ADARB2: variants seen among roughly 807,000 people sequenced by gnomAD.
ADARB2 encodes inactive double-stranded RNA-specific editase B2.
ADARB2 carries 25 observed loss-of-function variants against 62.2 expected under a neutral mutation model. That is an observed-to-expected ratio of 0.40 (90% CI 0.29 to 0.56). The LOEUF (loss-of-function observed/expected upper bound fraction) is 0.56. Among genes scored for constraint, ADARB2 ranks in the 20% least tolerant of loss-of-function variants. The pLI is 0.43. For synonymous variants in ADARB2, 572 were observed against 500.8 expected (o/e 1.14, Z -1.90); for missense variants, 1,071 against 1,077.4 (o/e 0.99, Z 0.08).
Position 1,573,492 on chromosome 10 carries a change from C to T in ADARB2, c.100+163559G>A, listed in dbSNP as rs79860635. Among the ~76,000 whole-genome samples the T allele has an allele frequency of 4.6e-3, 694 of 152,270 alleles. 9 individuals carry two copies. The highest frequency in any genetic ancestry group is 0.02 in the Admixed American group (303 of 15,302). On this transcript the variant is annotated intron_variant, in intron 1 of 9. Transcript: ENST00000381312. ...AGGTGCCATCAGCAGAGAGCCAGGC[C>T]GGTGCCTCCAACACCCCACCCTCAC... is the stretch of plus-strand genomic sequence containing the variant.
chr10:1,372,618 AG>A (rs1159248915), intron 2 of ADARB2, among the ~76,000 whole-genome samples: 5 of 152,200 alleles, frequency 3.3e-5, no homozygotes, highest in Non-Finnish European at 7.3e-5. Flanking sequence ...GGGTGGTGCC[AG>A]GGATTTGGGA....
intron 1 of ADARB2, among the ~76,000 whole-genome samples, chr10:1,624,550 C>A (rs550737165): frequency 6.6e-6 from 1 of 152,280 alleles, no homozygotes; most frequent in African/African-American, 2.4e-5. Context: ...TCTGTGAAGT[C>A]TATAATCACA....
intron 5 of ADARB2, among the ~76,000 whole-genome samples, chr10:1,240,980 C>T (rs1830915010): frequency 6.6e-6 from 1 of 152,166 alleles, no homozygotes; most frequent in Non-Finnish European, 1.5e-5. Context: ...TAAGAATGAG[C>T]TGAGTGTGGG....
At chr10:1,645,406 C>T (rs1834027163) in intron 1 of ADARB2, among the ~76,000 whole-genome samples, 1 of 152,234 alleles carries the variant, frequency 6.6e-6, no homozygotes, top group Non-Finnish European at 1.5e-5. Flanking sequence ...AGCTATGGAA[C>T]TCCCACTGCC....
rs192303384 is a variant in ADARB2, at chr10:1,428,136, A to G, written c.101-48976T>C. Among the ~76,000 whole-genome samples, 1,119 of 151,076 alleles carry G rather than the reference A, an allele frequency of 7.4e-3. 16 individuals carry two copies. Among genetic ancestry groups the G allele is most frequent in the African/African-American group, 0.025 (1,029 of 41,106 alleles). On this transcript the variant is annotated intron_variant, in intron 1 of 9. Transcript: ENST00000381312. ...CAGGCATGCACCACCACACCCGACT[A>G]ATTTTTTTGTATTTTTAGTAGATAT...
In ADARB2 at chr10:1,216,992, C is replaced by A. The variant is rs765177523; in HGVS notation, c.1641G>T (p.Gly547=). The A allele has an allele frequency of 6.2e-7, 1 of 1,609,842 alleles. No homozygotes were observed. The highest frequency in any genetic ancestry group is 8.5e-7 in the Non-Finnish European group (1 of 1,179,760). The change falls in exon 7 of 10, where the codon GGG becomes GGT. Residue 547 remains glycine (G), a synonymous_variant. Coordinates refer to ENST00000381312, the MANE Select transcript of ADARB2 (RefSeq NM_018702.4). ...AVQTWDGVLL[G]EQLITMSCTD... ...TGCAGGACATGGTGATCAGCTGCTCCCCCAGCAGGACGCCGTCCCAGGTCT... is the reference window on the plus strand; with the variant it reads ...TGCAGGACATGGTGATCAGCTGCTCACCCAGCAGGACGCCGTCCCAGGTCT...
intron 1 of ADARB2, chr10:1,394,787 G>T: frequency 2.2e-6 from 1 of 455,156 alleles, no homozygotes. Flanking sequence ...AGACCTGGTA[G>T]GAGCGTCTAA....
At chr10:1,228,223 C>G (rs1421876271) in intron 6 of ADARB2, among the ~76,000 whole-genome samples, 4 of 152,164 alleles carry the variant, frequency 2.6e-5, no homozygotes, top group African/African-American at 9.7e-5. Context: ...TTGGCATTTT[C>G]TGGACACAGA....
At chr10:1,420,097 A>G (rs1832839502) in intron 1 of ADARB2, among the ~76,000 whole-genome samples, 1 of 152,254 alleles carries the variant, frequency 6.6e-6, no homozygotes. Context: ...ACATTTAGCA[A>G]TTAAGCAGGA....
chr10:1,214,298 AG>A (rs1181602503), intron 7 of ADARB2, among the ~76,000 whole-genome samples: 19 of 141,518 alleles, frequency 1.3e-4, no homozygotes, highest in Non-Finnish European at 2.6e-4. Flanking sequence ...GGCGTTGTGT[AG>A]GTTTGCACCT....
At chr10:1,571,297 T>TTA (rs1218065293) in intron 1 of ADARB2, among the ~76,000 whole-genome samples, 5,183 of 151,184 alleles carry the variant, frequency 0.034, 294 homozygotes, top group African/African-American at 0.12. Context: ...TTTTTTTTTT[T>TTA]AAAAAAAGCC....
chr10:1,307,431 C>G (rs1159973604), intron 3 of ADARB2, among the ~76,000 whole-genome samples: 2 of 142,260 alleles, frequency 1.4e-5, no homozygotes, highest in East Asian at 4.7e-4. Flanking sequence ...CAGGAAACAA[C>G]AGGTGCTGGA....
rs1402395935 is a variant in ADARB2, at chr10:1,179,196, T to C, written c.*3997A>G. ...ACTGTTTATGGCTCTCCAGACGTGA[T>C]AAACATTATATCCAAAAAAAAAAGC... On this transcript the variant is annotated 3_prime_UTR_variant, in exon 10 of 10. Coordinates refer to ENST00000381312, the MANE Select transcript of ADARB2 (RefSeq NM_018702.4). The C allele has an allele frequency of 6.6e-6, 1 of 150,522 alleles. No individual in the cohort carries two copies. The highest frequency in any genetic ancestry group is 2.5e-5 in the African/African-American group (1 of 39,956). 9.3% of individuals were successfully genotyped at this position (150,522 alleles called of 1,614,324 possible). A position where few individuals can be genotyped will look rare whatever the true frequency, so the allele number is the denominator to read the frequency against.
chr10:1,552,720 G>A (rs1051300933), intron 1 of ADARB2, among the ~76,000 whole-genome samples: 3 of 151,680 alleles, frequency 2.0e-5, no homozygotes, highest in South Asian at 2.1e-4. Context: ...GGGAGGGAAG[G>A]GGAGAGGAGG....
intron 8 of ADARB2, among the ~76,000 whole-genome samples, chr10:1,188,487 C>A (rs1836794141): frequency 6.6e-6 from 1 of 152,150 alleles, no homozygotes; most frequent in Non-Finnish European, 1.5e-5. Context: ...GGGACAGGAC[C>A]ATGTGCTTAC....
chr10:1,629,997 AC>A (rs1308114797), intron 1 of ADARB2, among the ~76,000 whole-genome samples: 2 of 152,180 alleles, frequency 1.3e-5, no homozygotes, highest in East Asian at 3.9e-4. Flanking sequence ...GCCCTTGCTC[AC>A]CCCAGCAGTC....
At position 1,181,646 on chromosome 10, in the gene ADARB2, A is replaced by G. The variant is rs143008521; in HGVS notation, c.*1547T>C. 335 of 152,348 alleles carry G rather than the reference A, an allele frequency of 2.2e-3. 1 individual carries two copies. The highest frequency in any genetic ancestry group is 7.4e-3 in the African/African-American group (307 of 41,578). The allele number at this position is 152,348 out of a possible 1,614,324, so 9.4% of individuals were successfully genotyped here. Reference sequence around the variant, plus strand: ...TAACTGTAATTTATAGCACTTGACTATGTACAGCACAATGTTATTCTTGCA... The same window carrying G: ...TAACTGTAATTTATAGCACTTGACTGTGTACAGCACAATGTTATTCTTGCA... On this transcript the variant is annotated 3_prime_UTR_variant, in exon 10 of 10. Transcript: ENST00000381312.
At chr10:1,705,635 C>G (rs756475181) in intron 1 of ADARB2, among the ~76,000 whole-genome samples, 1 of 152,142 alleles carries the variant, frequency 6.6e-6, no homozygotes, top group African/African-American at 2.4e-5. Context: ...ATGCAGGGTG[C>G]GGCAATTAAG....
chr10:1,230,911 C>T (rs1019500508), intron 6 of ADARB2, among the ~76,000 whole-genome samples: 2 of 152,224 alleles, frequency 1.3e-5, no homozygotes, highest in South Asian at 4.1e-4. Context: ...GCACCTGCCA[C>T]TTCTTAAAAG....
Sources: gnomAD v4.1 joint callset for allele counts (sites outside exome capture counted in the v4.1 genomes callset) on GRCh38, gnomAD v4.1.1 for gene constraint, MANE v1.5 for transcripts, NCBI Gene and HGNC (gene_info 2026-07-23, HGNC 2026-07-21) for gene names.